NBAS: variants seen among roughly 807,000 people sequenced by gnomAD.
NBAS encodes NBAS subunit of NRZ tethering complex.
Under a neutral mutation model 302.5 loss-of-function variants are expected in NBAS, and 219 were observed. The observed-to-expected ratio is 0.72, with a 90% CI of 0.65 to 0.81. The LOEUF is 0.81. Among genes scored for constraint, NBAS ranks in the 30% least tolerant of loss-of-function variants. The pLI, the probability that NBAS is intolerant of heterozygous loss-of-function variation, is 0.00. For synonymous variants in NBAS, 1,118 were observed against 1,021.6 expected (o/e 1.09, Z -1.80); for missense variants, 2,932 against 2,841.6 (o/e 1.03, Z -0.72).
At chr2:14,930,594 T>C in the NBAS span, among the ~76,000 whole-genome samples, 26 of 152,334 alleles carry the variant, frequency 1.7e-4, no homozygotes, top group South Asian at 8.3e-4. Context: ...TCTCACCTGT[T>C]CAATAAGCCA....
chr2:15,461,157 C>A (rs1341869159), intron 21 of NBAS, 44 bp downstream of exon 21: 2 of 1,500,886 alleles, frequency 1.3e-6, no homozygotes, highest in Admixed American at 3.7e-5. Flanking sequence ...AAAAAATTAT[C>A]AATATAAAAA....
rs1036475904 is a variant in NBAS at position 15,327,771 on chromosome 2, C to G, written c.4561G>C (p.Glu1521Gln). The G allele has an allele frequency of 9.3e-6, 15 of 1,613,692 alleles. No homozygotes were observed. In the East Asian group the frequency reaches 2.0e-4, roughly 22 times the overall value. Reference sequence around the variant, plus strand: ...TTACCTTCAGTTGTTGGAAATACTTCTCCTTTATTTTTAGCCTCTGCCAAT... The same window carrying G: ...TTACCTTCAGTTGTTGGAAATACTTGTCCTTTATTTTTAGCCTCTGCCAAT... The part of the protein sequence containing the change: ...GKLAEAKNKG[E>Q]VFPTTEVLLQ... The change falls in exon 38 of 52, where the codon GAA (glutamate) becomes CAA (glutamine). Residue 1521 changes from glutamate to glutamine, a missense_variant. Glu to Gln is a conservative substitution (Grantham distance 29). Transcript: ENST00000281513.
At chr2:15,441,706 A>G in intron 21 of NBAS, among the ~76,000 whole-genome samples, 1 of 151,800 alleles carries the variant, frequency 6.6e-6, no homozygotes, top group Non-Finnish European at 1.5e-5. Flanking sequence ...AAAGACACAG[A>G]CTGGCAAATT....
the NBAS span, among the ~76,000 whole-genome samples, chr2:15,089,641 A>G: frequency 6.6e-6 from 1 of 152,220 alleles, no homozygotes; most frequent in South Asian, 2.1e-4. Flanking sequence ...AGCTCCAGAA[A>G]TACCTGCCCA....
At chr2:14,957,598 C>T in the NBAS span, among the ~76,000 whole-genome samples, 4 of 152,136 alleles carry the variant, frequency 2.6e-5, no homozygotes, top group African/African-American at 9.7e-5. Context: ...AGGTTCCTAC[C>T]CACCTTTCCA....
chr2:14,815,465 TGG>T, the NBAS span, among the ~76,000 whole-genome samples: 2 of 152,228 alleles, frequency 1.3e-5, no homozygotes, highest in Middle Eastern at 3.2e-3. Context: ...GAGTGCCCAT[TGG>T]GAAAACATCC....
At chr2:15,259,327 C>T (rs962077674) in intron 44 of NBAS, among the ~76,000 whole-genome samples, 1 of 152,148 alleles carries the variant, frequency 6.6e-6, no homozygotes, top group Non-Finnish European at 1.5e-5. Context: ...CATCCAAACC[C>T]CTGCATTAAT....
intron 25 of NBAS, among the ~76,000 whole-genome samples, chr2:15,410,990 T>A (rs1676658631): frequency 2.0e-5 from 3 of 152,194 alleles, no homozygotes; most frequent in South Asian, 4.1e-4. Flanking sequence ...GTTCTCCCTC[T>A]GCGGATGGTA....
At chr2:15,002,851 G>A in the NBAS span, among the ~76,000 whole-genome samples, 1 of 152,148 alleles carries the variant, frequency 6.6e-6, no homozygotes, top group Admixed American at 6.5e-5. Context: ...CCAAGCCCAC[G>A]CCCACCCGGA....
chr2:15,230,498 C>T (rs1438603318), intron 47 of NBAS, among the ~76,000 whole-genome samples: 1 of 151,472 alleles, frequency 6.6e-6, no homozygotes, highest in East Asian at 1.9e-4. Context: ...TGTTTCTCCA[C>T]TCCCTAATGT....
intron 38 of NBAS, among the ~76,000 whole-genome samples, chr2:15,322,236 CAG>C (rs1466779272): frequency 1.2e-5 from 1 of 81,292 alleles, no homozygotes; most frequent in Non-Finnish European, 2.2e-5. Context: ...CAGGACCTGT[CAG>C]GGGGTGGGGG....
intron 32 of NBAS, among the ~76,000 whole-genome samples, chr2:15,360,623 T>C (rs574966109): frequency 1.3e-4 from 19 of 150,664 alleles, no homozygotes; most frequent in Non-Finnish European, 2.4e-4. Flanking sequence ...GTGTTGGGAT[T>C]AGAAGTCTGA....
rs761229118 is a variant in NBAS at position 15,232,429 on chromosome 2, C to A, written c.6229G>T (p.Asp2077Tyr). The part of the protein sequence containing the change: ...GVVAAVHASV[D>Y]KGEELVSPED... The stretch of plus-strand genomic sequence containing the variant: ...ATACTGTTCTAGTCTTACCCCTTGT[C>A]CACACTGGCGTGGACTGCTGCAACA... The change falls in exon 47 of 52, where the codon GAC (aspartate) becomes TAC (tyrosine). Residue 2077 changes from aspartate (D) to tyrosine (Y), a missense_variant. Transcript: ENST00000281513. 3.1e-5 allele frequency: 50 copies of A among 1,613,958 alleles called. No homozygotes were observed. The highest frequency in any genetic ancestry group is 4.2e-5 in the Non-Finnish European group (49 of 1,179,986).
At chr2:15,042,972 C>A in the NBAS span, among the ~76,000 whole-genome samples, 1 of 152,182 alleles carries the variant, frequency 6.6e-6, no homozygotes, top group African/African-American at 2.4e-5. Context: ...TACACAACAA[C>A]ATTAACAAGC....
At chr2:15,412,844 A>C (rs1177630301) in intron 25 of NBAS, among the ~76,000 whole-genome samples, 1 of 152,170 alleles carries the variant, frequency 6.6e-6, no homozygotes, top group Non-Finnish European at 1.5e-5. Context: ...TTTCCAAACC[A>C]CCGTTGACTA....
chr2:15,483,866 C>G (rs570139589), intron 12 of NBAS, among the ~76,000 whole-genome samples: 3 of 152,266 alleles, frequency 2.0e-5, no homozygotes, highest in Non-Finnish European at 2.9e-5. Flanking sequence ...TCTTCTCAGA[C>G]AACATTTAAA....
the NBAS span, among the ~76,000 whole-genome samples, chr2:15,132,084 CA>C: frequency 6.6e-6 from 1 of 152,154 alleles, no homozygotes; most frequent in African/African-American, 2.4e-5. Context: ...GGTATTTACC[CA>C]AATGAGTTGA....
At position 15,277,003 on chromosome 2, in the gene NBAS, T is replaced by C; in HGVS notation, c.5237A>G (p.Tyr1746Cys). The C allele has an allele frequency of 1.9e-6, 3 of 1,614,002 alleles. No homozygotes were observed. The highest frequency in any genetic ancestry group is 2.5e-6 in the Non-Finnish European group (3 of 1,179,954). ...PEAFHQHMVK[Y>C]IYPTIGGFDH... is the part of the protein sequence containing the mutation. ...AAAGCCACCAATAGTAGGGTAAATA[T>C]ACTTGACCATGTGCTGGTGAAAGGC... The change falls in exon 43 of 52, where the codon TAT (tyrosine) becomes TGT (cysteine). Residue 1746 changes from tyrosine to cysteine, a missense_variant. Coordinates refer to ENST00000281513, the MANE Select transcript of NBAS (RefSeq NM_015909.4).
chr2:15,426,163 T>C (rs535814875), intron 22 of NBAS, among the ~76,000 whole-genome samples: 2 of 152,350 alleles, frequency 1.3e-5, no homozygotes, highest in South Asian at 2.1e-4. Context: ...CAGAAATCTA[T>C]AGCAAAAAAT....
Sources: allele counts gnomAD v4.1 joint callset (sites outside exome capture counted in the v4.1 genomes callset), GRCh38; gene constraint gnomAD v4.1.1; transcripts MANE v1.5; gene names NCBI Gene and HGNC (gene_info 2026-07-23, HGNC 2026-07-21).